Variants in HS6ST3 observed in about 807,000 individuals in gnomAD.
The protein encoded by HS6ST3 is heparan-sulfate 6-O-sulfotransferase 3.
Under a neutral mutation model 36.7 loss-of-function variants are expected in HS6ST3, and 12 were observed. The observed-to-expected ratio is 0.33, with a 90% CI of 0.21 to 0.53. The LOEUF (loss-of-function observed/expected upper bound fraction) is 0.53. Among genes scored for constraint, HS6ST3 ranks in the 20% least tolerant of loss-of-function variants. The pLI, the probability that HS6ST3 is intolerant of heterozygous loss-of-function variation, is 0.95. For synonymous variants in HS6ST3, 240 were observed against 257.5 expected (o/e 0.93, Z 0.65); for missense variants, 584 against 640.9 (o/e 0.91, Z 0.96).
chr13:96,298,169 A>G (rs1287736704), intron 1 of HS6ST3, among the ~76,000 whole-genome samples: 1 of 152,196 alleles, frequency 6.6e-6, no homozygotes, highest in African/African-American at 2.4e-5. Context: ...ATTTACATAC[A>G]GAGAGCTGTC....
chr13:96,170,587 T>A (rs117215715), intron 1 of HS6ST3, among the ~76,000 whole-genome samples: 6,806 of 152,252 alleles, frequency 0.045, 210 homozygotes, highest in Middle Eastern at 0.1. Flanking sequence ...GGTTTTTTTT[T>A]CAAAAGCTAA....
intron 1 of HS6ST3, among the ~76,000 whole-genome samples, chr13:96,460,186 T>G (rs1361563060): frequency 6.6e-6 from 1 of 152,206 alleles, no homozygotes; most frequent in East Asian, 1.9e-4. Context: ...TCTATGTGTT[T>G]CTAACCCCAC....
At chr13:96,137,067 A>T (rs554015610) in intron 1 of HS6ST3, among the ~76,000 whole-genome samples, 3 of 152,272 alleles carry the variant, frequency 2.0e-5, no homozygotes, top group East Asian at 3.9e-4. Flanking sequence ...GCACAATCTC[A>T]AATATGTAGT....
At chr13:96,770,050 C>T (rs189324181) in intron 1 of HS6ST3, among the ~76,000 whole-genome samples, 10 of 152,284 alleles carry the variant, frequency 6.6e-5, no homozygotes, top group Admixed American at 1.3e-4. Flanking sequence ...GCCCTTGAAA[C>T]GCTCAGAAGT....
chr13:96,331,709 C>G (rs1244075446), intron 1 of HS6ST3, among the ~76,000 whole-genome samples: 1 of 152,172 alleles, frequency 6.6e-6, no homozygotes, highest in Non-Finnish European at 1.5e-5. Context: ...TGGGCTCCAC[C>G]CAGTTGGAGC....
chr13:96,790,523 AT>A (rs1193034102), intron 1 of HS6ST3, among the ~76,000 whole-genome samples: 1 of 152,092 alleles, frequency 6.6e-6, no homozygotes, highest in Non-Finnish European at 1.5e-5. Context: ...AAAACTGAAC[AT>A]TAGGAAGTCC....
chr13:96,565,251 G>C (rs915364364), intron 1 of HS6ST3, among the ~76,000 whole-genome samples: 29 of 152,148 alleles, frequency 1.9e-4, no homozygotes, highest in African/African-American at 6.7e-4. Flanking sequence ...GTGGAGAAGT[G>C]GTAGTTAATT....
chr13:96,379,256 G>A (rs11617487), intron 1 of HS6ST3, among the ~76,000 whole-genome samples: 2,207 of 152,262 alleles, frequency 0.014, 27 homozygotes, highest in East Asian at 0.056. Flanking sequence ...AACTTCATGC[G>A]TTGAAATCCT....
chr13:96,706,413 T>TTTTATA lies in HS6ST3; in HGVS notation c.708-126076_708-126075insTTATAT, dbSNP rs5805987. 2.3e-4 allele frequency among the ~76,000 whole-genome samples: 28 copies of TTTTATA among 121,028 alleles called. 1 individual carries two copies. Among genetic ancestry groups the TTTTATA allele is most frequent in the Admixed American group, 9.3e-4 (11 of 11,850 alleles). 79.4% of individuals were successfully genotyped at this position (121,028 alleles called of 152,430 possible). ...TATATAAAATATAATAGAATATATT[T>TTTTATA]TATATATATATATATATATATATAT... On this transcript the variant is annotated intron_variant, in intron 1 of 1. Coordinates refer to ENST00000376705, the MANE Select transcript of HS6ST3 (RefSeq NM_153456.4).
intron 1 of HS6ST3, among the ~76,000 whole-genome samples, chr13:96,773,728 GA>G (rs1877326536): frequency 6.6e-6 from 1 of 152,180 alleles, no homozygotes; most frequent in Non-Finnish European, 1.5e-5. Context: ...GCACCTGGGG[GA>G]AGGGGCAGCT....
chr13:96,154,586 G>T (rs145451999), intron 1 of HS6ST3, among the ~76,000 whole-genome samples: 1 of 151,844 alleles, frequency 6.6e-6, no homozygotes, highest in African/African-American at 2.4e-5. Context: ...AAAAGAGATC[G>T]CCTCTTACAA....
chr13:96,471,100 C>T (rs957511870), intron 1 of HS6ST3, among the ~76,000 whole-genome samples: 5 of 152,132 alleles, frequency 3.3e-5, no homozygotes, highest in Non-Finnish European at 7.3e-5. Context: ...AAACTTCCAC[C>T]AGCATAAGCA....
chr13:96,294,674 G>T (rs974362002), intron 1 of HS6ST3, among the ~76,000 whole-genome samples: 1 of 152,024 alleles, frequency 6.6e-6, no homozygotes, highest in Non-Finnish European at 1.5e-5. Context: ...TGTGTAAAAA[G>T]GCCATGATTA....
intron 1 of HS6ST3, among the ~76,000 whole-genome samples, chr13:96,436,380 A>G (rs955730910): frequency 6.6e-6 from 1 of 152,344 alleles, no homozygotes; most frequent in African/African-American, 2.4e-5. Context: ...TCATATTCAC[A>G]AATATGTCAA....
At chr13:96,094,360 C>T (rs191726276) in intron 1 of HS6ST3, among the ~76,000 whole-genome samples, 18 of 152,168 alleles carry the variant, frequency 1.2e-4, no homozygotes, top group Non-Finnish European at 2.5e-4. Context: ...GATAGGTTCC[C>T]CACTCAAGGC....
intron 1 of HS6ST3, among the ~76,000 whole-genome samples, chr13:96,640,900 A>G (rs1044397377): frequency 2.6e-5 from 4 of 151,916 alleles, no homozygotes; most frequent in African/African-American, 9.7e-5. Flanking sequence ...GTTCTGTTCT[A>G]GTAGTCTGTA....
intron 1 of HS6ST3, among the ~76,000 whole-genome samples, chr13:96,339,018 T>C (rs373953520): frequency 6.6e-6 from 1 of 152,150 alleles, no homozygotes; most frequent in East Asian, 1.9e-4. Context: ...TGCTGCCTGC[T>C]GTACGTTGGG....
intron 1 of HS6ST3, among the ~76,000 whole-genome samples, chr13:96,248,743 TTA>T (rs1425798212): frequency 1.3e-5 from 2 of 152,172 alleles, no homozygotes. Flanking sequence ...CCAATTAAAA[TTA>T]TATATGATAA....
chr13:96,809,901 A>G (rs750448836), intron 1 of HS6ST3, among the ~76,000 whole-genome samples: 4 of 152,164 alleles, frequency 2.6e-5, no homozygotes, highest in African/African-American at 4.8e-5. Flanking sequence ...TTATGTTTCC[A>G]TAGAGCTTGG....
Sources: allele counts gnomAD v4.1 joint callset (sites outside exome capture counted in the v4.1 genomes callset), GRCh38; gene constraint gnomAD v4.1.1; transcripts MANE v1.5; gene names NCBI Gene and HGNC (gene_info 2026-07-23, HGNC 2026-07-21).